The following HS3ST3A1 variants were observed in gnomAD, a reference collection of about 807,000 sequenced individuals.
HS3ST3A1 encodes the protein heparan sulfate glucosamine 3-O-sulfotransferase 3A1.
In HS3ST3A1, 19 loss-of-function variants were observed where a neutral mutation model predicts 25.7. The observed-to-expected ratio is 0.74, with a 90% CI of 0.52 to 1.08. The LOEUF is 1.08. Ranked by LOEUF, HS3ST3A1 falls within the 50% of genes least tolerant of loss-of-function variation. HS3ST3A1 has a pLI of 0.00. For missense variants in HS3ST3A1, 459 were observed against 594.3 expected, an observed-to-expected ratio of 0.77 and a Z score of 2.37; for synonymous variants, 226 against 278.6, an observed-to-expected ratio of 0.81 and a Z score of 1.88.
intron 1 of HS3ST3A1, among the ~76,000 whole-genome samples, chr17:13,526,791 G>A (rs1906445575): frequency 2.0e-5 from 3 of 151,890 alleles, no homozygotes; most frequent in East Asian, 1.9e-4. Flanking sequence ...GGGATTACAG[G>A]CATGTGCCAC....
chr17:13,515,652 A>C (rs976296888), intron 1 of HS3ST3A1, among the ~76,000 whole-genome samples: 1 of 152,144 alleles, frequency 6.6e-6, no homozygotes, highest in African/African-American at 2.4e-5. Context: ...CCATAGGCTA[A>C]ATAGTAAGGA....
intron 1 of HS3ST3A1, among the ~76,000 whole-genome samples, chr17:13,522,540 A>C (rs577007466): frequency 1.1e-3 from 161 of 152,298 alleles, no homozygotes; most frequent in African/African-American, 3.8e-3. Context: ...TATATGCTGA[A>C]GGAAATAGCA....
chr17:13,514,886 CAAAAT>C (rs1375171350), intron 1 of HS3ST3A1, among the ~76,000 whole-genome samples: 6 of 151,952 alleles, frequency 3.9e-5, no homozygotes. Flanking sequence ...AAATATAAAA[CAAAAT>C]AAGAATTTTA....
At chr17:13,497,584 G>A (rs935029573) in intron 1 of HS3ST3A1, among the ~76,000 whole-genome samples, 1 of 152,304 alleles carries the variant, frequency 6.6e-6, no homozygotes, top group Admixed American at 6.5e-5. Context: ...CAAAAATCCA[G>A]TTGGAGTCTT....
At chr17:13,570,683 C>T (rs1375820825) in intron 1 of HS3ST3A1, among the ~76,000 whole-genome samples, 3 of 152,106 alleles carry the variant, frequency 2.0e-5, no homozygotes, top group Admixed American at 2.0e-4. Flanking sequence ...ATCATGTTGC[C>T]CAGGCTGGTC....
chr17:13,530,391 G>A (rs184153444), intron 1 of HS3ST3A1, among the ~76,000 whole-genome samples: 11 of 152,028 alleles, frequency 7.2e-5, no homozygotes, highest in Admixed American at 2.0e-4. Context: ...CCTGACAAAC[G>A]CCAAGCAAGG....
At chr17:13,598,976 C>T (rs1908651569) in intron 1 of HS3ST3A1, among the ~76,000 whole-genome samples, 1 of 152,148 alleles carries the variant, frequency 6.6e-6, no homozygotes, top group Non-Finnish European at 1.5e-5. Flanking sequence ...GCTTACAGCA[C>T]AGTACGAGGC....
intron 1 of HS3ST3A1, among the ~76,000 whole-genome samples, chr17:13,595,453 A>G (rs1338094129): frequency 6.6e-6 from 1 of 152,168 alleles, no homozygotes; most frequent in African/African-American, 2.4e-5. Context: ...TCCCCCAGAG[A>G]GATTTTTAAA....
intron 1 of HS3ST3A1, among the ~76,000 whole-genome samples, chr17:13,571,610 T>C (rs1360498431): frequency 6.6e-6 from 1 of 152,196 alleles, no homozygotes; most frequent in Non-Finnish European, 1.5e-5. Context: ...AGGGAATTAG[T>C]GCTGGAGAGA....
In HS3ST3A1 at chr17:13,550,936, A is replaced by G. The variant is rs556026673; in HGVS notation, c.599+49595T>C. Among the ~76,000 whole-genome samples, 4 of 151,840 alleles carry G rather than the reference A, an allele frequency of 2.6e-5. No individual in the cohort carries two copies. The South Asian group carries it at 8.3e-4, about 32-fold the overall frequency. On this transcript the variant is annotated intron_variant, in intron 1 of 1. Transcript: ENST00000284110. ...ACAAAAATTAGCCGGGCATGGTGGC[A>G]GGTGCCTGTAGCCCCAGCTACTGGG...
intron 1 of HS3ST3A1, among the ~76,000 whole-genome samples, chr17:13,553,238 G>A (rs1362480871): frequency 3.9e-5 from 6 of 152,182 alleles, no homozygotes; most frequent in African/African-American, 1.4e-4. Context: ...CTGGGTTGAG[G>A]AGAGGTGTTC....
intron 1 of HS3ST3A1, among the ~76,000 whole-genome samples, chr17:13,521,149 T>C (rs1330760832): frequency 6.6e-6 from 1 of 152,206 alleles, no homozygotes; most frequent in East Asian, 1.9e-4. Flanking sequence ...ATTTGCCTCT[T>C]GGCCGGGTTG....
At chr17:13,572,224 T>C (rs1907835400) in intron 1 of HS3ST3A1, among the ~76,000 whole-genome samples, 1 of 152,226 alleles carries the variant, frequency 6.6e-6, no homozygotes, top group African/African-American at 2.4e-5. Context: ...GGTGAATGAA[T>C]ATGCTCAGAA....
intron 1 of HS3ST3A1, among the ~76,000 whole-genome samples, chr17:13,507,914 C>T (rs892283562): frequency 2.6e-5 from 4 of 152,200 alleles, no homozygotes; most frequent in Admixed American, 6.5e-5. Context: ...TCCCTTGGGC[C>T]GAGCCCACTC....
intron 1 of HS3ST3A1, among the ~76,000 whole-genome samples, chr17:13,550,344 A>T (rs757847365): frequency 6.6e-5 from 10 of 152,130 alleles, no homozygotes; most frequent in Non-Finnish European, 1.5e-4. Context: ...GTATGGCATA[A>T]GGTGTGAATG....
chr17:13,571,880 C>T (rs1223725708), intron 1 of HS3ST3A1, among the ~76,000 whole-genome samples: 1 of 152,186 alleles, frequency 6.6e-6, no homozygotes, highest in African/African-American at 2.4e-5. Context: ...CTGCCTCAGC[C>T]TCCTGAGTAG....
At chr17:13,501,229 G>C (rs568426108) in intron 1 of HS3ST3A1, among the ~76,000 whole-genome samples, 1 of 151,022 alleles carries the variant, frequency 6.6e-6, no homozygotes, top group East Asian at 1.9e-4. Flanking sequence ...ACCGAACAAC[G>C]GTTAAAATGG....
At chr17:13,546,939 T>C (rs1442971917) in intron 1 of HS3ST3A1, among the ~76,000 whole-genome samples, 2 of 152,228 alleles carry the variant, frequency 1.3e-5, no homozygotes, top group Admixed American at 6.5e-5. Flanking sequence ...GATGGGCTAC[T>C]AAGCAGTATA....
Position 13,596,142 on chromosome 17 carries a change from T to A in HS3ST3A1, c.599+4389A>T, listed in dbSNP as rs377546789. ...GTGGATTTTCATGGAAGTCTGTGAATTTCACATAAAGTATAAGAGCGTATT... is the reference window on the plus strand; with the variant it reads ...GTGGATTTTCATGGAAGTCTGTGAAATTCACATAAAGTATAAGAGCGTATT... On this transcript the variant is annotated intron_variant, in intron 1 of 1. Transcript: ENST00000284110. 1.5e-4 allele frequency among the ~76,000 whole-genome samples: 23 copies of A among 152,268 alleles called. No homozygotes were observed. In the South Asian group the frequency reaches 2.5e-3, roughly 17 times the overall value.
Sources: allele counts gnomAD v4.1 joint callset (sites outside exome capture counted in the v4.1 genomes callset), GRCh38; gene constraint gnomAD v4.1.1; transcripts MANE v1.5; gene names NCBI Gene and HGNC (gene_info 2026-07-23, HGNC 2026-07-21).